ENO4: variants seen among roughly 807,000 people sequenced by gnomAD.
ENO4 encodes 2-phospho-D-glycerate hydro-lyase.
ENO4 carries 53 observed loss-of-function variants against 63.2 expected under a neutral mutation model. That is an observed-to-expected ratio of 0.84 (90% CI 0.67 to 1.05). The LOEUF is 1.05. ENO4 is among the 50% of genes least tolerant of loss of function. ENO4 has a pLI of 0.00. For synonymous variants in ENO4, 266 were observed against 283.8 expected, an observed-to-expected ratio of 0.94 and a Z score of 0.63; for missense variants, 719 against 772.0, an observed-to-expected ratio of 0.93 and a Z score of 0.81.
At chr10:116,897,461 A>G (rs1286764434) in intron 10 of ENO4, among the ~76,000 whole-genome samples, 10 of 152,156 alleles carry the variant, frequency 6.6e-5, no homozygotes, top group African/African-American at 2.4e-4. Context: ...ACTTGCCTCA[A>G]TTTTGGATTA....
At chr10:116,909,924 C>T (rs950557812) in intron 10 of ENO4, among the ~76,000 whole-genome samples, 11 of 152,078 alleles carry the variant, frequency 7.2e-5, no homozygotes, top group African/African-American at 2.7e-4. Flanking sequence ...TTTTTCAGTA[C>T]ACAACTGCAG....
chr10:116,872,496 T>G (rs568539140), intron 9 of ENO4, among the ~76,000 whole-genome samples: 44 of 152,264 alleles, frequency 2.9e-4, no homozygotes, highest in African/African-American at 9.6e-4. Context: ...GGAGTTCCCC[T>G]GCACACACTC....
At chr10:116,865,340 C>T (rs1846522707) in intron 7 of ENO4, among the ~76,000 whole-genome samples, 1 of 152,016 alleles carries the variant, frequency 6.6e-6, no homozygotes, top group Non-Finnish European at 1.5e-5. Context: ...GAGCCCAGCA[C>T]CATGCCCAGC....
intron 7 of ENO4, among the ~76,000 whole-genome samples, chr10:116,868,315 C>G (rs1277845267): frequency 1.3e-5 from 2 of 152,200 alleles, no homozygotes; most frequent in Non-Finnish European, 2.9e-5. Flanking sequence ...TGCCTGCACA[C>G]AGCAGGAGTT....
chr10:116,893,648 G>A (rs945566187), intron 10 of ENO4, among the ~76,000 whole-genome samples: 2 of 147,588 alleles, frequency 1.4e-5, no homozygotes, highest in African/African-American at 2.5e-5. Flanking sequence ...GGGGGTGGGA[G>A]TATCTATCAG....
intron 10 of ENO4, chr10:116,906,542 A>C: frequency 7.4e-7 from 1 of 1,343,490 alleles, no homozygotes; most frequent in Non-Finnish European, 1.0e-6. Context: ...ATACTTTTTA[A>C]AAGATTGTTT....
intron 11 of ENO4, among the ~76,000 whole-genome samples, chr10:116,877,127 C>T (rs1231280493): frequency 1.3e-5 from 2 of 152,038 alleles, no homozygotes; most frequent in African/African-American, 2.4e-5. Context: ...AATATCTCAC[C>T]ATTCACAAAG....
chr10:116,855,748 C>G lies in ENO4; in HGVS notation c.291C>G (p.Pro97=). 6.5e-7 allele frequency: 1 copy of G among 1,534,450 alleles called. No homozygotes were observed. Among genetic ancestry groups the G allele is most frequent in the Non-Finnish European group, 8.7e-7 (1 of 1,145,454 alleles). The part of the protein sequence containing the change: ...VDIFCTIQNF[P]KNVCSVVIST... ...TATTCTGCACCATTCAAAACTTTCCCAAGGTATGAGGCAGTTTAAGTGTGT... is the reference window on the plus strand; with the variant it reads ...TATTCTGCACCATTCAAAACTTTCCGAAGGTATGAGGCAGTTTAAGTGTGT... Residue 97 remains proline (P), a synonymous_variant, in exon 2 of 14, where the codon CCC becomes CCG. Transcript: ENST00000341276.
downstream of ENO4, chr10:116,883,253 C>T (rs1847073829): frequency 6.6e-6 from 1 of 152,078 alleles, no homozygotes; most frequent in Non-Finnish European, 1.5e-5. Context: ...TCTACTTATA[C>T]TTTCTCTCTC....
intron 10 of ENO4, among the ~76,000 whole-genome samples, chr10:116,892,956 A>C (rs550201040): frequency 4.5e-4 from 69 of 152,358 alleles, no homozygotes; most frequent in Non-Finnish European, 8.4e-4. Flanking sequence ...ATTTTATACA[A>C]AGTCTCTTAA....
intron 10 of ENO4, among the ~76,000 whole-genome samples, chr10:116,898,443 A>T (rs983796189): frequency 2.0e-5 from 3 of 152,164 alleles, no homozygotes; most frequent in Non-Finnish European, 4.4e-5. Flanking sequence ...ATTTAATCTT[A>T]ATCAACAGAA....
chr10:116,852,877 A>C (rs1397686524), intron 1 of ENO4, among the ~76,000 whole-genome samples: 1 of 152,174 alleles, frequency 6.6e-6, no homozygotes, highest in Middle Eastern at 3.2e-3. Context: ...AGATGATTAC[A>C]TCTGCATAAG....
intron 10 of ENO4, among the ~76,000 whole-genome samples, chr10:116,875,689 C>G (rs1846814437): frequency 6.6e-6 from 1 of 152,154 alleles, no homozygotes; most frequent in East Asian, 1.9e-4. Context: ...CCCTTGCAGG[C>G]TTTCTTTTTC....
intron 1 of ENO4, 129 bp downstream of exon 1, chr10:116,849,860 G>A: frequency 1.9e-6 from 2 of 1,074,362 alleles, no homozygotes; most frequent in African/African-American, 1.6e-5. Context: ...CTGGGCCTGC[G>A]TGTGCGGAGG....
chr10:116,897,064 C>G (rs1847549559), intron 10 of ENO4, among the ~76,000 whole-genome samples: 2 of 152,150 alleles, frequency 1.3e-5, no homozygotes, highest in African/African-American at 4.8e-5. Context: ...GCCTCAGCCT[C>G]CCAAAGTGCT....
downstream of ENO4, chr10:116,884,868 G>A (rs143477875): frequency 8.9e-4 from 137 of 153,746 alleles, no homozygotes; most frequent in Non-Finnish European, 1.7e-3. Flanking sequence ...AACAGAATTC[G>A]TTTCGTGAAT....
At chr10:116,876,468 C>G (rs1415976294) in intron 11 of ENO4, among the ~76,000 whole-genome samples, 2 of 152,260 alleles carry the variant, frequency 1.3e-5, no homozygotes, top group African/African-American at 4.8e-5. Flanking sequence ...CAATTCCAAG[C>G]TCACCCCCTT....
chr10:116,872,642 T>C (rs1846729536), intron 9 of ENO4, among the ~76,000 whole-genome samples: 1 of 152,208 alleles, frequency 6.6e-6, no homozygotes, highest in Non-Finnish European at 1.5e-5. Context: ...GTCTCAGGTA[T>C]GTCTTTATTA....
At chr10:116,907,925 G>A (rs2133339539) in intron 10 of ENO4, 1 of 517,504 alleles carries the variant, frequency 1.9e-6, no homozygotes, top group Non-Finnish European at 3.9e-6. Context: ...ACTACCTGAA[G>A]GATTCTAATA....
Sources: gnomAD v4.1 joint callset for allele counts (sites outside exome capture counted in the v4.1 genomes callset) on GRCh38, gnomAD v4.1.1 for gene constraint, MANE v1.5 for transcripts, NCBI Gene and HGNC (gene_info 2026-07-23, HGNC 2026-07-21) for gene names.